ROBO2: variants seen among roughly 807,000 people sequenced by gnomAD.
ROBO2 encodes roundabout guidance receptor 2.
A neutral mutation model predicts 160.8 loss-of-function variants in ROBO2; 53 were observed. The ratio of observed to expected loss-of-function variants is 0.33; its 90% confidence interval spans 0.26 to 0.41. ROBO2 has a LOEUF of 0.41. ROBO2 is among the 10% of genes least tolerant of loss of function. The pLI is 1.00. For synonymous variants in ROBO2, 664 were observed against 611.7 expected (o/e 1.09, Z -1.26); for missense variants, 1,577 against 1,722.4 (o/e 0.92, Z 1.49).
intron 13 of ROBO2, among the ~76,000 whole-genome samples, chr3:77,574,150 G>A (rs2093704397): frequency 6.6e-6 from 1 of 152,036 alleles, no homozygotes; most frequent in South Asian, 2.1e-4. Flanking sequence ...CAGAAAATGG[G>A]TAAGCAGAGG....
At chr3:77,270,531 T>C (rs144088707) in intron 2 of ROBO2, among the ~76,000 whole-genome samples, 246 of 150,930 alleles carry the variant, frequency 1.6e-3, no homozygotes, top group African/African-American at 5.7e-3. Context: ...TTGCTGTTGG[T>C]TTTTTTAACT....
At chr3:76,490,460 A>G (rs1479035561) in intron 2 of ROBO2, among the ~76,000 whole-genome samples, 1 of 152,214 alleles carries the variant, frequency 6.6e-6, no homozygotes, top group African/African-American at 2.4e-5. Flanking sequence ...AAGTTTTAAT[A>G]GCAAAGCGAA....
At chr3:76,980,444 A>G (rs1246433400) in intron 2 of ROBO2, among the ~76,000 whole-genome samples, 1 of 152,122 alleles carries the variant, frequency 6.6e-6, no homozygotes, top group African/African-American at 2.4e-5. Flanking sequence ...AATTTTCTAT[A>G]CCAGACTGTG....
chr3:76,983,929 C>T (rs1484737882), intron 2 of ROBO2, among the ~76,000 whole-genome samples: 1 of 152,172 alleles, frequency 6.6e-6, no homozygotes, highest in Admixed American at 6.5e-5. Flanking sequence ...CGCAGTTCTG[C>T]GTGGCTAGGG....
intron 2 of ROBO2, among the ~76,000 whole-genome samples, chr3:76,289,571 T>A (rs1414697041): frequency 6.6e-6 from 1 of 152,194 alleles, no homozygotes; most frequent in Non-Finnish European, 1.5e-5. Flanking sequence ...TGCTGGAGCC[T>A]AGGTACACAA....
intron 2 of ROBO2, among the ~76,000 whole-genome samples, chr3:77,322,332 C>T (rs2064803284): frequency 6.6e-6 from 1 of 152,094 alleles, no homozygotes; most frequent in Non-Finnish European, 1.5e-5. Flanking sequence ...TGAAGAGGTG[C>T]TCACATATGA....
At chr3:76,624,250 T>C (rs1244397745) in intron 2 of ROBO2, among the ~76,000 whole-genome samples, 1 of 152,160 alleles carries the variant, frequency 6.6e-6, no homozygotes. Context: ...CACACGTTTT[T>C]AAATTTAGTC....
intron 2 of ROBO2, among the ~76,000 whole-genome samples, chr3:76,838,020 G>A (rs928981756): frequency 6.6e-5 from 10 of 151,854 alleles, no homozygotes; most frequent in African/African-American, 1.2e-4. Flanking sequence ...GTTTCATTAC[G>A]CTAGACAATA....
intron 2 of ROBO2, among the ~76,000 whole-genome samples, chr3:76,726,382 A>G (rs2093553838): frequency 6.6e-6 from 1 of 152,180 alleles, no homozygotes; most frequent in African/African-American, 2.4e-5. Context: ...TATTGTTAAC[A>G]CTTTGCCCTC....
intron 2 of ROBO2, among the ~76,000 whole-genome samples, chr3:76,390,342 A>G (rs2077088473): frequency 6.6e-6 from 1 of 152,146 alleles, no homozygotes; most frequent in East Asian, 1.9e-4. Context: ...TAGTTAATAT[A>G]ATAACTATAT....
At chr3:75,999,940 A>C (rs1161572583) in intron 2 of ROBO2, among the ~76,000 whole-genome samples, 3 of 152,198 alleles carry the variant, frequency 2.0e-5, no homozygotes, top group African/African-American at 7.2e-5. Flanking sequence ...GGATCTGAGT[A>C]TTTTCTTAAA....
At chr3:76,950,994 C>T (rs1355626612) in intron 2 of ROBO2, among the ~76,000 whole-genome samples, 3 of 152,194 alleles carry the variant, frequency 2.0e-5, no homozygotes, top group South Asian at 4.1e-4. Context: ...TTTTAAAGTG[C>T]TGGAATTACA....
At chr3:76,100,617 T>TA (rs1464645868) in intron 2 of ROBO2, among the ~76,000 whole-genome samples, 4 of 151,974 alleles carry the variant, frequency 2.6e-5, no homozygotes, top group Non-Finnish European at 5.9e-5. Context: ...TTAAGGAAAA[T>TA]ATAAAAGGAA....
chr3:77,418,056 G>T (rs1177841333), intron 2 of ROBO2, among the ~76,000 whole-genome samples: 1 of 152,054 alleles, frequency 6.6e-6, no homozygotes, highest in African/African-American at 2.4e-5. Context: ...AATTAAATAA[G>T]CCTTGTTGCT....
intron 2 of ROBO2, among the ~76,000 whole-genome samples, chr3:76,776,119 C>T (rs1392474368): frequency 1.3e-5 from 2 of 150,876 alleles, no homozygotes; most frequent in Non-Finnish European, 3.0e-5. Context: ...ACAGAACATA[C>T]ATTTTGAGAT....
chr3:77,338,349 G>A (rs918325199), intron 2 of ROBO2, among the ~76,000 whole-genome samples: 4 of 152,086 alleles, frequency 2.6e-5, no homozygotes, highest in Admixed American at 2.0e-4. Flanking sequence ...CTTTCAACAC[G>A]TAGTTGCTCT....
At chr3:76,347,674 A>G (rs2074609598) in intron 2 of ROBO2, among the ~76,000 whole-genome samples, 1 of 151,972 alleles carries the variant, frequency 6.6e-6, no homozygotes, top group South Asian at 2.1e-4. Context: ...CAGAAAGACA[A>G]AAGGGGTGGT....
Position 76,933,752 on chromosome 3 carries a change from A to T in ROBO2, c.110-164262A>T, listed in dbSNP as rs72900128. On this transcript the variant is annotated intron_variant, in intron 2 of 26. Coordinates refer to the ROBO2 transcript ENST00000487694. ...TGAGGGTTATATATTCACATGTAGA[A>T]CAAATTAGTTTAGGGACAAATGAAG... 2.0e-3 allele frequency among the ~76,000 whole-genome samples: 303 copies of T among 152,336 alleles called. 1 individual carries two copies. Among genetic ancestry groups the T allele is most frequent in the African/African-American group, 7.0e-3 (292 of 41,586 alleles).
At chr3:77,549,808 T>C (rs1582880638) in intron 7 of ROBO2, among the ~76,000 whole-genome samples, 1 of 152,026 alleles carries the variant, frequency 6.6e-6, no homozygotes, top group Non-Finnish European at 1.5e-5. Flanking sequence ...TTGAATGTTA[T>C]TGCCTCCTGA....
Sources: allele counts gnomAD v4.1 joint callset (sites outside exome capture counted in the v4.1 genomes callset), GRCh38; gene constraint gnomAD v4.1.1; transcripts MANE v1.5; gene names NCBI Gene and HGNC (gene_info 2026-07-23, HGNC 2026-07-21).